The following CRTAP variants were observed in gnomAD, a reference collection of about 807,000 sequenced individuals.
The protein encoded by CRTAP is cartilage associated protein, also known as cartilage-associated protein.
CRTAP carries 33 observed loss-of-function variants against 42.7 expected under a neutral mutation model. That is an observed-to-expected ratio of 0.77 (90% CI 0.59 to 1.03). The LOEUF (loss-of-function observed/expected upper bound fraction) is 1.03. CRTAP is among the 50% of genes least tolerant of loss of function. CRTAP has a pLI of 0.00. For missense variants in CRTAP, 613 were observed against 533.9 expected, an observed-to-expected ratio of 1.15 and a Z score of -1.46; for synonymous variants, 243 against 217.7, an observed-to-expected ratio of 1.12 and a Z score of -1.02.
At chr3:33,123,757 G>A (rs889249346) in intron 2 of CRTAP, among the ~76,000 whole-genome samples, 1 of 151,348 alleles carries the variant, frequency 6.6e-6, no homozygotes, top group African/African-American at 2.4e-5. Context: ...AGCCTCGTGA[G>A]TAGCTGGGAC....
At position 33,120,477 on chromosome 3, in the gene CRTAP, A is replaced by G; in HGVS notation, c.605A>G (p.Glu202Gly). 6.2e-7 allele frequency: 1 copy of G among 1,611,264 alleles called. No homozygotes were observed. ...PGAEDYIKDL[E>G]TKSYESLFIR... ...GCCGAGGACTACATTAAAGACCTGG[A>G]AACCAAGTCATATGAAGTATGTTTG... The change falls in exon 2 of 7, where the codon GAA (glutamate) becomes GGA (glycine). Residue 202 changes from glutamate (E) to glycine (G), a missense_variant. By Grantham distance (98) the Glu-to-Gly change is moderately conservative. Transcript: ENST00000320954.
Position 33,114,430 on chromosome 3 carries a change from G to A in CRTAP, c.353G>A (p.Cys118Tyr), listed in dbSNP as rs765234021. 1 of 1,565,050 alleles carries A rather than the reference G, an allele frequency of 6.4e-7. No homozygotes were observed. The highest frequency in any genetic ancestry group is 1.8e-5 in the Admixed American group (1 of 54,106). Residue 118 changes from cysteine (C) to tyrosine (Y), a missense_variant, in exon 1 of 7, where the codon TGC (cysteine) becomes TAC (tyrosine). Coordinates refer to ENST00000320954, the MANE Select transcript of CRTAP (RefSeq NM_006371.5). The part of the protein sequence containing the change: ...LFGGLLRRAH[C>Y]LKRCKQGLPA... ...GGGGGCCTGCTGCGCCGCGCGCACT[G>A]CCTCAAGCGCTGCAAGCAGGGCCTG...
chr3:33,119,816 C>G (rs1559432782), intron 1 of CRTAP, among the ~76,000 whole-genome samples: 2 of 152,234 alleles, frequency 1.3e-5, no homozygotes, highest in East Asian at 1.9e-4. Context: ...TGGGATATGA[C>G]CAACCCTAGG....
intron 1 of CRTAP, among the ~76,000 whole-genome samples, chr3:33,119,134 G>A (rs1701382860): frequency 6.6e-6 from 1 of 152,202 alleles, no homozygotes; most frequent in South Asian, 2.1e-4. Flanking sequence ...CTGAGACAGT[G>A]AAACTCAGAA....
At chr3:33,142,028 G>A (rs2030587344) in intron 6 of CRTAP, among the ~76,000 whole-genome samples, 1 of 152,192 alleles carries the variant, frequency 6.6e-6, no homozygotes, top group Non-Finnish European at 1.5e-5. Context: ...TGGTGGTCAA[G>A]GCAGAAAGGG....
At chr3:33,121,487 G>A (rs111763222) in intron 2 of CRTAP, among the ~76,000 whole-genome samples, 3,675 of 149,816 alleles carry the variant, frequency 0.025, 154 homozygotes, top group African/African-American at 0.087. Context: ...TGACCACAGG[G>A]TTTTCTGTAG....
At chr3:33,130,198 T>A in intron 4 of CRTAP, 131 bp downstream of exon 4, 2 of 931,238 alleles carry the variant, frequency 2.1e-6, no homozygotes, top group Non-Finnish European at 1.7e-6. Flanking sequence ...TGCTATGCTT[T>A]GCACAAAAAG....
At chr3:33,123,751 T>A (rs948115792) in intron 2 of CRTAP, among the ~76,000 whole-genome samples, 2 of 150,634 alleles carry the variant, frequency 1.3e-5, no homozygotes, top group African/African-American at 4.9e-5. Context: ...TGCCTCAGCC[T>A]CGTGAGTAGC....
At chr3:33,120,172 CT>C (rs1293405019) in intron 1 of CRTAP, among the ~76,000 whole-genome samples, 171 bp from the exon 2 acceptor site, 1 of 152,188 alleles carries the variant, frequency 6.6e-6, no homozygotes, top group Non-Finnish European at 1.5e-5. Context: ...GAAATCAGCA[CT>C]TGTCTCACAG....
intron 1 of CRTAP, 137 bp from the exon 2 acceptor site, chr3:33,120,207 C>T (rs1052908417): frequency 1.3e-6 from 1 of 792,710 alleles, no homozygotes; most frequent in Non-Finnish European, 2.2e-6. Flanking sequence ...TCTTGAGGGG[C>T]CCTGGAAGTC....
At chr3:33,121,680 C>T (rs2029881258) in intron 2 of CRTAP, among the ~76,000 whole-genome samples, 1 of 152,128 alleles carries the variant, frequency 6.6e-6, no homozygotes. Context: ...CAGGGTCACC[C>T]AGGTGAGTAG....
chr3:33,117,245 T>C (rs1701353354), intron 1 of CRTAP, among the ~76,000 whole-genome samples: 1 of 152,208 alleles, frequency 6.6e-6, no homozygotes, highest in African/African-American at 2.4e-5. Context: ...TGGCAGGACA[T>C]GGATAAATGT....
intron 1 of CRTAP, among the ~76,000 whole-genome samples, chr3:33,114,777 C>G (rs537219943): frequency 1.4e-4 from 22 of 152,358 alleles, no homozygotes; most frequent in African/African-American, 5.3e-4. Context: ...AATACGTACA[C>G]AGAACGCAGT....
chr3:33,126,034 A>T (rs774905670), intron 3 of CRTAP, among the ~76,000 whole-genome samples: 3 of 152,226 alleles, frequency 2.0e-5, no homozygotes, highest in Admixed American at 1.3e-4. Flanking sequence ...CATTGACTAC[A>T]TTCACATGAT....
intron 6 of CRTAP, among the ~76,000 whole-genome samples, chr3:33,137,935 A>G (rs2030469317): frequency 6.6e-6 from 1 of 152,204 alleles, no homozygotes; most frequent in Non-Finnish European, 1.5e-5. Flanking sequence ...TTGTTACAGC[A>G]CTATTTGTTG....
intron 2 of CRTAP, among the ~76,000 whole-genome samples, chr3:33,121,478 G>A (rs181569108): frequency 1.1e-3 from 168 of 150,260 alleles, no homozygotes; most frequent in Non-Finnish European, 1.8e-3. Context: ...CCCAAGGCCT[G>A]ACCACAGGGT....
chr3:33,136,372 T>C (rs2030418932), intron 6 of CRTAP, among the ~76,000 whole-genome samples: 2 of 152,248 alleles, frequency 1.3e-5, no homozygotes, highest in Admixed American at 1.3e-4. Context: ...TGTGTACAAA[T>C]TTTTGTTTGA....
intron 5 of CRTAP, among the ~76,000 whole-genome samples, chr3:33,133,943 T>A (rs912703294): frequency 6.6e-6 from 1 of 152,260 alleles, no homozygotes; most frequent in Non-Finnish European, 1.5e-5. Context: ...TGTCTTCCAC[T>A]GAGGGCTGGC....
intron 3 of CRTAP, among the ~76,000 whole-genome samples, chr3:33,127,725 G>A (rs1352178031): frequency 2.0e-5 from 3 of 151,616 alleles, no homozygotes; most frequent in Non-Finnish European, 4.4e-5. Flanking sequence ...TAGGAGTACA[G>A]GCGTGAGCCA....
Sources: allele counts gnomAD v4.1 joint callset (sites outside exome capture counted in the v4.1 genomes callset), GRCh38; gene constraint gnomAD v4.1.1; transcripts MANE v1.5; gene names NCBI Gene and HGNC (gene_info 2026-07-23, HGNC 2026-07-21).